ZNF320: variants seen among roughly 807,000 people sequenced by gnomAD.
The protein encoded by ZNF320 is zinc finger protein 320.
In ZNF320, 2 loss-of-function variants were observed where a neutral mutation model predicts 6.8. The ratio of observed to expected loss-of-function variants is 0.29; its 90% CI spans 0.12 to 0.93. The LOEUF is 0.93. ZNF320 is among the 40% of genes least tolerant of loss of function. ZNF320 has a pLI of 0.55. For synonymous variants in ZNF320, 208 were observed against 203.2 expected (o/e 1.02, Z -0.20); for missense variants, 472 against 611.0 (o/e 0.77, Z 2.40).
In ZNF320 at chr19:52,881,136, T is replaced by C. The variant is rs574260516; in HGVS notation, c.990A>G (p.Arg330=). ...RRVHTGEKPY[R]CEECDKVFSR... ...TGAAAACTTTGTCGCATTCTTCACA[T>C]CTGTAAGGTTTCTCTCCAGTGTGAA... Residue 330 remains arginine (R), a synonymous_variant, in exon 6 of 6, where the codon AGA becomes AGG. Transcript: ENST00000682928. The C allele has an allele frequency of 4.3e-6, 7 of 1,614,144 alleles. No homozygotes were observed. In the African/African-American group the frequency reaches 8.0e-5, roughly 18 times the overall value.
intron 5 of ZNF320, among the ~76,000 whole-genome samples, chr19:52,866,697 G>T (rs1025290983): frequency 1.3e-5 from 2 of 151,682 alleles, no homozygotes; most frequent in South Asian, 2.1e-4. Flanking sequence ...ATGGAGAAAC[G>T]CCATCTCTAC....
rs1367414777 is a variant in ZNF320, at chr19:52,878,184, C to G, written c.*2412G>C. 1 of 197,554 alleles carries G rather than the reference C, an allele frequency of 5.1e-6. No homozygotes were observed. Among genetic ancestry groups the G allele is most frequent in the Non-Finnish European group, 1.1e-5 (1 of 92,426 alleles). 12.2% of individuals were successfully genotyped at this position (197,554 alleles called of 1,614,324 possible). A position where few individuals can be genotyped will look rare whatever the true frequency, so the allele number is the denominator to read the frequency against. ...GGCTCTTCTCCAGTGTCGTCTTTGA[C>G]AGTTGTACCTATAAAACTTATGTGG... On this transcript the variant is annotated 3_prime_UTR_variant, in exon 6 of 6. Coordinates refer to ENST00000682928, the MANE Select transcript of ZNF320 (RefSeq NM_001351774.2).
chr19:52,878,812 G>A lies in ZNF320; in HGVS notation c.*1784C>T, dbSNP rs1052260589. 6.6e-6 allele frequency: 1 copy of A among 152,182 alleles called. No individual in the cohort carries two copies. The highest frequency in any genetic ancestry group is 1.5e-5 in the Non-Finnish European group (1 of 68,066). 9.4% of individuals were successfully genotyped at this position (152,182 alleles called of 1,614,324 possible). On this transcript the variant is annotated 3_prime_UTR_variant, in exon 6 of 6. Transcript: ENST00000682928. ...CCATCCTCCCACTGCAGACTCCACA[G>A]AAGCTGAACCAGCAGACATGTGCCA...
At chr19:52,861,395 T>C (rs186619769) in exon 6 of ZNF320, among the ~76,000 whole-genome samples, 5 of 152,264 alleles carry the variant, frequency 3.3e-5, no homozygotes, top group Non-Finnish European at 7.4e-5. Context: ...TATTGATGGA[T>C]TGGAAAAATT....
intron 5 of ZNF320, among the ~76,000 whole-genome samples, chr19:52,886,592 A>G (rs2064086260): frequency 6.6e-6 from 1 of 152,210 alleles, no homozygotes; most frequent in Admixed American, 6.5e-5. Flanking sequence ...CACTGGAATC[A>G]TGTTTAAACC....
chr19:52,880,993 ACT>A lies in ZNF320; in HGVS notation c.1131_1132del (p.Arg377SerfsTer11). On this transcript the variant is annotated frameshift_variant, in exon 6 of 6. Coordinates refer to ENST00000682928, the MANE Select transcript of ZNF320 (RefSeq NM_001351774.2). LOFTEE classifies it low-confidence loss of function (END_TRUNC). ...TGTGTAAGGTCTCTCTCCAGTATGAACTCTCTGATGTTCTGCAAGACGTGAAT... is the reference window on the plus strand; with the variant it reads ...TGTGTAAGGTCTCTCTCCAGTATGAACTCTGATGTTCTGCAAGACGTGAAT... 1 of 1,613,784 alleles carries A rather than the reference ACT, an allele frequency of 6.2e-7. No individual in the cohort carries two copies. Among genetic ancestry groups the A allele is most frequent in the South Asian group, 1.1e-5 (1 of 91,062 alleles).
At chr19:52,887,747 C>T (rs576716075) in intron 5 of ZNF320, among the ~76,000 whole-genome samples, 107 of 152,018 alleles carry the variant, frequency 7.0e-4, no homozygotes, top group African/African-American at 2.5e-3. Flanking sequence ...CCATGACGTC[C>T]GGCTAATTTT....
In ZNF320 at chr19:52,881,521, G is replaced by A. The variant is rs888909086; in HGVS notation, c.605C>T (p.Ser202Leu). Residue 202 changes from serine (S) to leucine (L), a missense_variant, in exon 6 of 6, where the codon TCA becomes TTA. Physicochemically the swap from Ser to Leu is moderately radical, Grantham distance 145 (BLOSUM62 -2). Around this residue, in one of 2 missense-constraint regions of ZNF320, gnomAD observed 462 missense variants for 559.7 expected, o/e 0.83. Transcript: ENST00000682928. Reference sequence around the variant, plus strand: ...AATTCTAGTATGTTTTGCCAGGTGTGAATCATGCTTAAAAGCCTTGTCGCA... The same window carrying A: ...AATTCTAGTATGTTTTGCCAGGTGTAAATCATGCTTAAAAGCCTTGTCGCA... ...KVCDKAFKHD[S>L]HLAKHTRIHR... 1.6e-5 allele frequency: 26 copies of A among 1,614,024 alleles called. No individual in the cohort carries two copies. The highest frequency in any genetic ancestry group is 2.1e-5 in the Non-Finnish European group (25 of 1,180,010).
rs2063875109 is a variant in ZNF320, at chr19:52,880,314, C to T, written c.*282G>A. On this transcript the variant is annotated 3_prime_UTR_variant, in exon 6 of 6. Coordinates refer to ENST00000682928, the MANE Select transcript of ZNF320 (RefSeq NM_001351774.2). The stretch of plus-strand genomic sequence containing the variant: ...AGTGAACCGAGATCACATCACTGCA[C>T]TCCAACGTGGGCGACAGAGCAAGAT... 1 of 294,130 alleles carries T rather than the reference C, an allele frequency of 3.4e-6. No individual in the cohort carries two copies. The highest frequency in any genetic ancestry group is 6.3e-6 in the Non-Finnish European group (1 of 158,318). 18.2% of individuals were successfully genotyped at this position (294,130 alleles called of 1,614,324 possible).
chr19:52,864,764 A>C (rs1292508543), intron 5 of ZNF320, among the ~76,000 whole-genome samples: 1 of 152,192 alleles, frequency 6.6e-6, no homozygotes, highest in Admixed American at 6.5e-5. Context: ...TTTCAATCTC[A>C]GCACTTTGGG....
At chr19:52,862,457 A>G in exon 6 of ZNF320, 2 of 394,372 alleles carry the variant, frequency 5.1e-6, no homozygotes, top group South Asian at 4.0e-5. Context: ...ATGAACTGCA[A>G]GGTATGAATG....
At chr19:52,896,964 C>T (rs1025837354) in intron 1 of ZNF320, among the ~76,000 whole-genome samples, 26 of 152,214 alleles carry the variant, frequency 1.7e-4, no homozygotes, top group Admixed American at 6.5e-4. Context: ...CCATCTGCTC[C>T]GGCCTCGGGC....
In ZNF320 at chr19:52,880,296, C is replaced by T. The variant is rs1258261394; in HGVS notation, c.*300G>A. On this transcript the variant is annotated 3_prime_UTR_variant, in exon 6 of 6. Transcript: ENST00000682928. ...CTGGGAGGTGAATGTTGCAGTGAAC[C>T]GAGATCACATCACTGCACTCCAACG... 2 of 237,990 alleles carry T rather than the reference C, an allele frequency of 8.4e-6. No individual in the cohort carries two copies. The highest frequency in any genetic ancestry group is 8.1e-6 in the Non-Finnish European group (1 of 122,912). The allele number at this position is 237,990 out of a possible 1,614,324, so 14.7% of individuals were successfully genotyped here. A position where few individuals can be genotyped will look rare whatever the true frequency, so the allele number is the denominator to read the frequency against.
chr19:52,900,008 C>T (rs917523316), upstream of ZNF320, among the ~76,000 whole-genome samples: 2 of 152,116 alleles, frequency 1.3e-5, no homozygotes, highest in Admixed American at 6.6e-5. Context: ...TCACAGGAAG[C>T]ATAGACTGGG....
chr19:52,871,756 A>G (rs910644788), downstream of ZNF320, among the ~76,000 whole-genome samples: 4 of 152,242 alleles, frequency 2.6e-5, no homozygotes, highest in African/African-American at 7.2e-5. Context: ...CAGCTGTAGC[A>G]ATGAGATCTG....
Position 52,881,983 on chromosome 19 carries a change from T to A in ZNF320, c.143A>T (p.Asp48Val). 1 of 1,603,936 alleles carries A rather than the reference T, an allele frequency of 6.2e-7. No individual in the cohort carries two copies. Among genetic ancestry groups the A allele is most frequent in the Non-Finnish European group, 8.5e-7 (1 of 1,176,266 alleles). ...ATTCATCATGCATTTGGAAGAGATATCTACAAAATATAAACACCAATAGGT... is the reference window on the plus strand; with the variant it reads ...ATTCATCATGCATTTGGAAGAGATAACTACAAAATATAAACACCAATAGGT... ...LENYRNLVSL[D>V]ISSKCMMNTL... Residue 48 changes from aspartate (D) to valine (V), a missense_variant and splice_region_variant, in exon 6 of 6, where the codon GAT becomes GTT. Asp to Val is a radical substitution (Grantham distance 152). Coordinates refer to ENST00000682928, the MANE Select transcript of ZNF320 (RefSeq NM_001351774.2).
At chr19:52,902,496 A>G (rs1214094745), upstream of ZNF320, among the ~76,000 whole-genome samples, 1 of 152,226 alleles carries the variant, frequency 6.6e-6, no homozygotes, top group African/African-American at 2.4e-5. Context: ...TCAACCAGGC[A>G]TTTGCATCTT....
intron 5 of ZNF320, among the ~76,000 whole-genome samples, chr19:52,887,105 G>A (rs1010388300): frequency 1.3e-5 from 2 of 152,140 alleles, no homozygotes; most frequent in African/African-American, 4.8e-5. Flanking sequence ...GAGATCTCAG[G>A]ATTGAAACTT....
At chr19:52,900,132 G>A (rs895748852), upstream of ZNF320, among the ~76,000 whole-genome samples, 29 of 152,168 alleles carry the variant, frequency 1.9e-4, no homozygotes, top group Admixed American at 1.2e-3. Flanking sequence ...CTCTGTCTAT[G>A]TATCTGGTAT....
Sources: gnomAD v4.1 joint callset for allele counts (sites outside exome capture counted in the v4.1 genomes callset) on GRCh38, gnomAD v4.1.1 for gene constraint, gnomAD v4.1.1 regional missense constraint, MANE v1.5 for transcripts, NCBI Gene and HGNC (gene_info 2026-07-23, HGNC 2026-07-21) for gene names.